RGS7BP: variants seen among roughly 807,000 people sequenced by gnomAD.
RGS7BP encodes the protein regulator of G protein signaling 7-binding protein.
RGS7BP carries 9 observed loss-of-function variants against 31.3 expected under a neutral mutation model. The ratio of observed to expected loss-of-function variants is 0.29; its 90% CI spans 0.17 to 0.50. RGS7BP has a LOEUF of 0.50. Among genes scored for constraint, RGS7BP ranks in the 20% least tolerant of loss-of-function variants. The probability of loss-of-function intolerance (pLI) is 0.98; values close to 1 mark genes in which losing one functional copy is unlikely to be tolerated. For synonymous variants in RGS7BP, 115 were observed against 120.1 expected (o/e 0.96, Z 0.28); for missense variants, 274 against 322.0 (o/e 0.85, Z 1.14).
At chr5:64,592,115 T>C (rs982241979) in intron 3 of RGS7BP, among the ~76,000 whole-genome samples, 5 of 152,150 alleles carry the variant, frequency 3.3e-5, no homozygotes, top group Non-Finnish European at 5.9e-5. Flanking sequence ...ATGAGAGCAA[T>C]TATAATCCAC....
At chr5:64,589,813 A>C (rs1262051878) in intron 3 of RGS7BP, among the ~76,000 whole-genome samples, 1 of 151,814 alleles carries the variant, frequency 6.6e-6, no homozygotes, top group Non-Finnish European at 1.5e-5. Context: ...CTATAGTCCC[A>C]GCTATTGGGA....
intron 4 of RGS7BP, among the ~76,000 whole-genome samples, 169 bp from the exon 5 acceptor site, chr5:64,598,195 AT>A (rs974035674): frequency 2.6e-5 from 4 of 152,050 alleles, no homozygotes; most frequent in African/African-American, 9.7e-5. Context: ...CCCATCTCAG[AT>A]TTTTTTTCTT....
intron 2 of RGS7BP, among the ~76,000 whole-genome samples, chr5:64,534,050 C>T (rs770457592): frequency 4.6e-5 from 7 of 152,188 alleles, no homozygotes; most frequent in Non-Finnish European, 7.3e-5. Flanking sequence ...AAGTGTGCTG[C>T]ATCTGTGGGT....
In RGS7BP at chr5:64,611,126, A is replaced by G. The variant is rs375381866; in HGVS notation, c.*1874A>G. 6.6e-6 allele frequency: 1 copy of G among 151,954 alleles called. No individual in the cohort carries two copies. Among genetic ancestry groups the G allele is most frequent in the African/African-American group, 2.4e-5 (1 of 41,398 alleles). 9.4% of individuals were successfully genotyped at this position (151,954 alleles called of 1,614,324 possible). A position where few individuals can be genotyped will look rare whatever the true frequency, so the allele number is the denominator to read the frequency against. Reference sequence around the variant, plus strand: ...TAAATACTCCCTGGAAAAGCAAGCAATCCAGACTTATCTGGTCTGCAAACC... The same window carrying G: ...TAAATACTCCCTGGAAAAGCAAGCAGTCCAGACTTATCTGGTCTGCAAACC... On this transcript the variant is annotated 3_prime_UTR_variant, in exon 6 of 6. Transcript: ENST00000334025.
chr5:64,512,310 A>T (rs946211073), intron 2 of RGS7BP, among the ~76,000 whole-genome samples: 3 of 152,216 alleles, frequency 2.0e-5, no homozygotes, highest in Admixed American at 6.5e-5. Context: ...ATTCTAAATC[A>T]GATTAGACCA....
intron 5 of RGS7BP, among the ~76,000 whole-genome samples, chr5:64,605,996 TG>T (rs1743349350): frequency 2.9e-5 from 4 of 138,320 alleles, no homozygotes; most frequent in East Asian, 2.0e-4. Flanking sequence ...CATATATATA[TG>T]CTATATATAT....
At chr5:64,577,649 T>C (rs1343315275) in intron 3 of RGS7BP, among the ~76,000 whole-genome samples, 2 of 152,214 alleles carry the variant, frequency 1.3e-5, no homozygotes, top group African/African-American at 2.4e-5. Context: ...AGCTCCTTGA[T>C]ACTCCTAATG....
intron 4 of RGS7BP, 99 bp downstream of exon 4, chr5:64,594,956 C>T (rs1743026164): frequency 7.7e-7 from 1 of 1,305,154 alleles, no homozygotes; most frequent in Non-Finnish European, 1.1e-6. Flanking sequence ...GATTCAGAAA[C>T]AGAGCTTTCT....
intron 2 of RGS7BP, among the ~76,000 whole-genome samples, chr5:64,572,494 GAAACTCTAACATA>G (rs1275695449): frequency 2.0e-5 from 3 of 152,156 alleles, no homozygotes; most frequent in African/African-American, 7.2e-5. Flanking sequence ...TAGGCATCAT[GAAACTCTAACATA>G]AAAGATACCT....
At chr5:64,509,555 A>G (rs1748778254) in intron 2 of RGS7BP, among the ~76,000 whole-genome samples, 1 of 150,082 alleles carries the variant, frequency 6.7e-6, no homozygotes. Context: ...TTTCAGGTGG[A>G]TTTTTTTTTT....
At chr5:64,518,987 G>A (rs906510477) in intron 2 of RGS7BP, among the ~76,000 whole-genome samples, 12 of 152,156 alleles carry the variant, frequency 7.9e-5, no homozygotes, top group South Asian at 4.1e-4. Context: ...CAGCCAGGGC[G>A]GTGTCATGCA....
At chr5:64,586,195 A>G (rs557112908) in intron 3 of RGS7BP, among the ~76,000 whole-genome samples, 22 of 152,286 alleles carry the variant, frequency 1.4e-4, no homozygotes, top group African/African-American at 3.8e-4. Flanking sequence ...TGAAGAACTC[A>G]AATTGGCCAC....
intron 2 of RGS7BP, among the ~76,000 whole-genome samples, chr5:64,544,086 T>C (rs1198378895): frequency 6.6e-6 from 1 of 152,236 alleles, no homozygotes; most frequent in Non-Finnish European, 1.5e-5. Flanking sequence ...ATTTGATATA[T>C]AGTACTTTAG....
intron 2 of RGS7BP, among the ~76,000 whole-genome samples, chr5:64,547,688 G>T (rs574068967): frequency 6.6e-6 from 1 of 152,184 alleles, no homozygotes; most frequent in South Asian, 2.1e-4. Context: ...AATTTGAATA[G>T]GTAGGAAATA....
At chr5:64,607,886 T>C (rs2111987699) in intron 5 of RGS7BP, among the ~76,000 whole-genome samples, 1 of 152,176 alleles carries the variant, frequency 6.6e-6, no homozygotes. Context: ...TTTACAATTT[T>C]ATTTTTGGTT....
At chr5:64,587,713 C>G (rs1742795904) in intron 3 of RGS7BP, among the ~76,000 whole-genome samples, 1 of 152,114 alleles carries the variant, frequency 6.6e-6, no homozygotes, top group African/African-American at 2.4e-5. Flanking sequence ...AGTGCTTTTT[C>G]CAGACTAAAT....
At chr5:64,573,843 A>T (rs1742356705) in intron 2 of RGS7BP, among the ~76,000 whole-genome samples, 1 of 152,220 alleles carries the variant, frequency 6.6e-6, no homozygotes, top group Admixed American at 6.5e-5. Flanking sequence ...TAGATCTGTC[A>T]ACTACTCTGA....
intron 3 of RGS7BP, among the ~76,000 whole-genome samples, chr5:64,587,290 A>G (rs953486268): frequency 3.3e-5 from 5 of 152,204 alleles, no homozygotes; most frequent in African/African-American, 1.2e-4. Flanking sequence ...GGATGACTTC[A>G]ACAAACTAGA....
At chr5:64,533,005 G>A (rs377245873) in intron 2 of RGS7BP, among the ~76,000 whole-genome samples, 1 of 152,038 alleles carries the variant, frequency 6.6e-6, no homozygotes, top group African/African-American at 2.4e-5. Context: ...CTTCATTTCC[G>A]AGGGCATTGC....
Sources: allele counts gnomAD v4.1 joint callset (sites outside exome capture counted in the v4.1 genomes callset), GRCh38; gene constraint gnomAD v4.1.1; transcripts MANE v1.5; gene names NCBI Gene and HGNC (gene_info 2026-07-23, HGNC 2026-07-21).